Variants in KLHDC2 observed in about 807,000 individuals in gnomAD.
KLHDC2 encodes kelch domain containing 2, also known as kelch domain-containing protein 2.
Under a neutral mutation model 62.3 loss-of-function variants are expected in KLHDC2, and 38 were observed. The observed-to-expected ratio is 0.61, with a 90% CI of 0.47 to 0.80. KLHDC2 has a LOEUF of 0.80. KLHDC2 is among the 30% of genes least tolerant of loss of function. The pLI, the probability that KLHDC2 is intolerant of heterozygous loss-of-function variation, is 0.00. For missense variants in KLHDC2, 430 were observed against 495.3 expected, an observed-to-expected ratio of 0.87 and a Z score of 1.25; for synonymous variants, 159 against 161.0, an observed-to-expected ratio of 0.99 and a Z score of 0.09.
rs1264021291 is a variant in KLHDC2, at chr14:49,780,750, A to C, written c.931A>C (p.Asn311His). 1.2e-6 allele frequency: 2 copies of C among 1,603,790 alleles called. No homozygotes were observed. The highest frequency in any genetic ancestry group is 3.3e-5 in the Admixed American group (2 of 59,998). Reference sequence around the variant, plus strand: ...CAGTAAAAATGAATGGATACAATTTAATCATCCATATACCGAAAAACCAAG... The same window carrying C: ...CAGTAAAAATGAATGGATACAATTTCATCATCCATATACCGAAAAACCAAG... ...CISKNEWIQF[N>H]HPYTEKPRLW... is the part of the protein sequence containing the mutation. The change falls in exon 10 of 13, where the codon AAT becomes CAT. Residue 311 changes from asparagine (N) to histidine (H), a missense_variant. Transcript: ENST00000298307.
Position 49,785,380 on chromosome 14 carries a change from A to G in KLHDC2, c.*2427A>G, listed in dbSNP as rs1341966754. 1 of 1,095,138 alleles carries G rather than the reference A, an allele frequency of 9.1e-7. No homozygotes were observed. The highest frequency in any genetic ancestry group is 1.7e-5 in the Admixed American group (1 of 58,686). 67.8% of individuals were successfully genotyped at this position (1,095,138 alleles called of 1,614,324 possible). A position where few individuals can be genotyped will look rare whatever the true frequency, so the allele number is the denominator to read the frequency against. ...TATACCGCCCTTTACAAAAAATGCT[A>G]AAACACTTGAATTAGTATCTCAACA... On this transcript the variant is annotated 3_prime_UTR_variant, in exon 13 of 13. Transcript: ENST00000298307.
rs757298499 is a variant in KLHDC2, at chr14:49,784,672, C to T, written c.*1719C>T. ...TTACGTTCAGAAGATTGGGTGCAGA[C>T]ACTTTCACTTTGCCAGGAATGTTTC... On this transcript the variant is annotated 3_prime_UTR_variant, in exon 13 of 13. Coordinates refer to ENST00000298307, the MANE Select transcript of KLHDC2 (RefSeq NM_014315.3). 6.2e-7 allele frequency: 1 copy of T among 1,612,266 alleles called. No homozygotes were observed. Among genetic ancestry groups the T allele is most frequent in the Admixed American group, 1.7e-5 (1 of 59,832 alleles).
In KLHDC2 at chr14:49,782,874, A is replaced by G. The variant is rs143008372; in HGVS notation, c.1142A>G (p.Asn381Ser). The G allele has an allele frequency of 5.0e-6, 8 of 1,613,752 alleles. No homozygotes were observed. The highest frequency in any genetic ancestry group is 6.8e-6 in the Non-Finnish European group (8 of 1,179,752). The change falls in exon 13 of 13, where the codon AAC becomes AGC. Residue 381 changes from asparagine (N) to serine (S), a missense_variant. Coordinates refer to ENST00000298307, the MANE Select transcript of KLHDC2 (RefSeq NM_014315.3). ...ATTTGCTTTAAAGAAATGTTAGCCA[A>G]CTCATGGAACTGCCTTCCAAAACAC... Reference protein sequence around the residue: ...AVICFKEMLANSWNCLPKHLL... With the variant: ...AVICFKEMLASSWNCLPKHLL...
rs767322715 is a variant in KLHDC2 at position 49,785,147 on chromosome 14, A to C, written c.*2194A>C. 1 of 1,602,636 alleles carries C rather than the reference A, an allele frequency of 6.2e-7. No homozygotes were observed. On this transcript the variant is annotated 3_prime_UTR_variant, in exon 13 of 13. Coordinates refer to ENST00000298307, the MANE Select transcript of KLHDC2 (RefSeq NM_014315.3). Reference sequence around the variant, plus strand: ...GTTTCACTTTATATCTTTAAAAAGGAATTACATGTGTTACTAAATAGACGT... The same window carrying C: ...GTTTCACTTTATATCTTTAAAAAGGCATTACATGTGTTACTAAATAGACGT...
At position 49,768,330 on chromosome 14, in the gene KLHDC2, G is replaced by A. The variant is rs1457524567; in HGVS notation, c.-139G>A. ...AGGCTGGGAAACGCGAGCGCAGGCGGCAGAGAGGCCTCAACGCCGTCCCTT... is the reference window on the plus strand; with the variant it reads ...AGGCTGGGAAACGCGAGCGCAGGCGACAGAGAGGCCTCAACGCCGTCCCTT... On this transcript the variant is annotated 5_prime_UTR_variant, in exon 1 of 13. Transcript: ENST00000298307. 6 of 920,106 alleles carry A rather than the reference G, an allele frequency of 6.5e-6. No homozygotes were observed. The Admixed American group carries it at 1.8e-4, about 28-fold the overall frequency. The allele number at this position is 920,106 out of a possible 1,614,324, so 57.0% of individuals were successfully genotyped here. A position where few individuals can be genotyped will look rare whatever the true frequency, so the allele number is the denominator to read the frequency against.
At chr14:49,768,674 G>A in intron 1 of KLHDC2, 53 bp downstream of exon 1, 2 of 1,475,756 alleles carry the variant, frequency 1.4e-6, no homozygotes, top group Non-Finnish European at 1.8e-6. Flanking sequence ...ACTCGGGTCT[G>A]CGTTCGCGGC....
At chr14:49,775,216 G>A (rs1367966850) in intron 3 of KLHDC2, among the ~76,000 whole-genome samples, 1 of 152,160 alleles carries the variant, frequency 6.6e-6, no homozygotes, top group African/African-American at 2.4e-5. Flanking sequence ...AAGTCAATCA[G>A]AAATGATACA....
chr14:49,768,594 C>T lies in KLHDC2; in HGVS notation c.126C>T (p.Arg42=). The change falls in exon 1 of 13, where the codon CGC becomes CGT. Residue 42 remains arginine (R), a synonymous_variant. Coordinates refer to ENST00000298307, the MANE Select transcript of KLHDC2 (RefSeq NM_014315.3). ...RSGHVAVSDG[R]HMFVWGGYKS... is the part of the protein sequence containing the mutation. ...GCCACGTAGCCGTCAGCGACGGGCG[C>T]CACATGTTCGTCTGGGGCGGCTACA... 6.2e-7 allele frequency: 1 copy of T among 1,601,788 alleles called. No individual in the cohort carries two copies. The highest frequency in any genetic ancestry group is 8.5e-7 in the Non-Finnish European group (1 of 1,175,188).
In KLHDC2 at chr14:49,784,547, G is replaced by A. The variant is rs1200764974; in HGVS notation, c.*1594G>A. ...AATGTTTAGTTCATTTTTATAATGC[G>A]GAAATCCTGATACATGGTGCTTTCA... On this transcript the variant is annotated 3_prime_UTR_variant, in exon 13 of 13. Transcript: ENST00000298307. 1.5e-5 allele frequency: 13 copies of A among 867,236 alleles called. 1 individual carries two copies. Among genetic ancestry groups the A allele is most frequent in the South Asian group, 6.3e-5 (4 of 63,050 alleles). 53.7% of individuals were successfully genotyped at this position (867,236 alleles called of 1,614,324 possible). A position where few individuals can be genotyped will look rare whatever the true frequency, so the allele number is the denominator to read the frequency against.
rs897019473 is a variant in KLHDC2, at chr14:49,774,849, T to C, written c.351+171T>C. 1.3e-5 allele frequency: 8 copies of C among 629,712 alleles called. No individual in the cohort carries two copies. The African/African-American group carries it at 1.3e-4, about 10-fold the overall frequency. 39.0% of individuals were successfully genotyped at this position (629,712 alleles called of 1,614,324 possible). A position where few individuals can be genotyped will look rare whatever the true frequency, so the allele number is the denominator to read the frequency against. ...AGTATTTTGTGTGCCAATCTGTATTTACCTAGGCATTATGTAAAATCAACT... is the reference window on the plus strand; with the variant it reads ...AGTATTTTGTGTGCCAATCTGTATTCACCTAGGCATTATGTAAAATCAACT... On this transcript the variant is annotated intron_variant, in intron 3 of 12. Transcript: ENST00000298307.
chr14:49,778,342 GTA>G, intron 5 of KLHDC2, 67 bp from the exon 6 acceptor site: 1 of 1,327,892 alleles, frequency 7.5e-7, no homozygotes, highest in Middle Eastern at 2.0e-4. Flanking sequence ...TTTTTCTTTG[GTA>G]ATCAGGCAGG....
chr14:49,771,209 C>T (rs1310026609), intron 1 of KLHDC2, among the ~76,000 whole-genome samples: 5 of 151,932 alleles, frequency 3.3e-5, no homozygotes, highest in Non-Finnish European at 1.5e-5. Context: ...ATTAGCCAGG[C>T]GTGATGGCGA....
rs768954943 is a variant in KLHDC2, at chr14:49,781,698, TA to T, written c.957-658del. ...GGTGATAGAGCAAGACTCTGTCTCTTAAAAAAAAAAAAAATACATGGGGAAA... is the reference window on the plus strand; with the variant it reads ...GGTGATAGAGCAAGACTCTGTCTCTTAAAAAAAAAAAAATACATGGGGAAA... On this transcript the variant is annotated intron_variant, in intron 10 of 12. Transcript: ENST00000298307. 7.3e-3 allele frequency among the ~76,000 whole-genome samples: 1,030 copies of T among 141,146 alleles called. 2 individuals are homozygous for T. The highest frequency in any genetic ancestry group is 8.2e-3 in the Non-Finnish European group (529 of 64,456). 92.6% of individuals were successfully genotyped at this position (141,146 alleles called of 152,430 possible). A position where few individuals can be genotyped will look rare whatever the true frequency, so the allele number is the denominator to read the frequency against.
At chr14:49,779,996 T>C (rs1444878217) in intron 8 of KLHDC2, 190 bp downstream of exon 8, 4 of 617,754 alleles carry the variant, frequency 6.5e-6, no homozygotes, top group South Asian at 4.1e-5. Flanking sequence ...GCCTAGTACA[T>C]AGCATGTGCT....
rs202147754 is a variant in KLHDC2 at position 49,785,082 on chromosome 14, A to C, written c.*2129A>C. The C allele has an allele frequency of 3.7e-6, 6 of 1,606,888 alleles. No homozygotes were observed. In the African/African-American group the frequency reaches 4.0e-5, roughly 11 times the overall value. On this transcript the variant is annotated 3_prime_UTR_variant, in exon 13 of 13. Transcript: ENST00000298307. ...TTAAAATCATAATTCAAAAAAACAA[A>C]TTTAAATACCTTTTCCCTTTTTCTG...
Position 49,784,754 on chromosome 14 carries a change from G to A in KLHDC2, c.*1801G>A. The A allele has an allele frequency of 1.3e-6, 2 of 1,524,030 alleles. No homozygotes were observed. Among genetic ancestry groups the A allele is most frequent in the Non-Finnish European group, 9.0e-7 (1 of 1,107,286 alleles). The allele number at this position is 1,524,030 out of a possible 1,614,324, so 94.4% of individuals were successfully genotyped here. A position where few individuals can be genotyped will look rare whatever the true frequency, so the allele number is the denominator to read the frequency against. The stretch of plus-strand genomic sequence containing the variant: ...TGCTGAATATCTTCACATCCTGTAT[G>A]GTCAATCATGTTTCTTTTATGACAA... On this transcript the variant is annotated 3_prime_UTR_variant, in exon 13 of 13. Coordinates refer to ENST00000298307, the MANE Select transcript of KLHDC2 (RefSeq NM_014315.3).
chr14:49,768,979 A>G (rs1018159055), intron 1 of KLHDC2: 5 of 209,988 alleles, frequency 2.4e-5, no homozygotes, highest in Non-Finnish European at 3.8e-5. Context: ...ACGGTGTGTG[A>G]TATCACTCAG....
chr14:49,779,243 C>T (rs4900951), intron 6 of KLHDC2, among the ~76,000 whole-genome samples: 148,023 of 152,306 alleles, frequency 0.97, 72,089 homozygotes, highest in East Asian at 1. Flanking sequence ...CTGCACTATA[C>T]TGCAATTTGT....
Position 49,768,236 on chromosome 14 carries a change from G to A in KLHDC2, c.-233G>A, listed in dbSNP as rs1889583294. ...TCCCGGGCCCGCGCCGCCGCCGCCC[G>A]GCTCCGCTCGCGGCCCCTCTGTCTG... On this transcript the variant is annotated 5_prime_UTR_variant, in exon 1 of 13. Transcript: ENST00000298307. 5.2e-6 allele frequency: 2 copies of A among 386,086 alleles called. No homozygotes were observed. Among genetic ancestry groups the A allele is most frequent in the Middle Eastern group, 6.7e-4 (1 of 1,496 alleles). 23.9% of individuals were successfully genotyped at this position (386,086 alleles called of 1,614,324 possible). A position where few individuals can be genotyped will look rare whatever the true frequency, so the allele number is the denominator to read the frequency against.
Sources: allele counts gnomAD v4.1 joint callset (sites outside exome capture counted in the v4.1 genomes callset), GRCh38; gene constraint gnomAD v4.1.1; transcripts MANE v1.5; gene names NCBI Gene and HGNC (gene_info 2026-07-23, HGNC 2026-07-21).